CERS6: variants seen among roughly 807,000 people sequenced by gnomAD.
CERS6 encodes ceramide synthase 6.
A neutral mutation model predicts 56.8 loss-of-function variants in CERS6; 26 were observed. That is an observed-to-expected ratio of 0.46 (90% CI 0.34 to 0.63). CERS6 has a LOEUF of 0.63. Among genes scored for constraint, CERS6 ranks in the 30% least tolerant of loss-of-function variants. The pLI, the probability that CERS6 is intolerant of heterozygous loss-of-function variation, is 0.01. For missense variants in CERS6, 415 were observed against 467.5 expected (o/e 0.89, Z 1.04); for synonymous variants, 164 against 173.3 (o/e 0.95, Z 0.42).
intron 4 of CERS6, among the ~76,000 whole-genome samples, chr2:168,650,043 A>C (rs1487667476): frequency 6.6e-6 from 1 of 152,184 alleles, no homozygotes; most frequent in East Asian, 1.9e-4. Flanking sequence ...AAATAGGGGA[A>C]AAAAGAAATA....
intron 3 of CERS6, among the ~76,000 whole-genome samples, chr2:168,623,893 A>G (rs1007144476): frequency 5.3e-5 from 8 of 152,210 alleles, no homozygotes; most frequent in African/African-American, 1.9e-4. Flanking sequence ...GTTTTCTTTC[A>G]CAAAGTTACT....
At chr2:168,600,054 C>T (rs1038576042) in intron 3 of CERS6, among the ~76,000 whole-genome samples, 14 of 152,070 alleles carry the variant, frequency 9.2e-5, no homozygotes, top group African/African-American at 2.7e-4. Flanking sequence ...GTAACTTGCA[C>T]GCTGAAGGCT....
intron 9 of CERS6, chr2:168,766,190 G>A (rs772909694): frequency 9.4e-5 from 72 of 764,648 alleles, no homozygotes; most frequent in Non-Finnish European, 1.5e-4. Flanking sequence ...GTTAAAAGTG[G>A]ACTTGAGGTT....
At chr2:168,704,595 C>G (rs980890219) in intron 6 of CERS6, among the ~76,000 whole-genome samples, 2 of 152,126 alleles carry the variant, frequency 1.3e-5, no homozygotes, top group Non-Finnish European at 2.9e-5. Flanking sequence ...CTCACCCTTG[C>G]ACCTTTGTTC....
chr2:168,672,103 T>C (rs1227873592), intron 4 of CERS6, among the ~76,000 whole-genome samples: 2 of 152,244 alleles, frequency 1.3e-5, no homozygotes, highest in Admixed American at 6.5e-5. Flanking sequence ...TCATTGTCTC[T>C]TGCCTGTTTC....
chr2:168,652,599 A>AATG (rs1205058250), intron 4 of CERS6, among the ~76,000 whole-genome samples: 2 of 151,490 alleles, frequency 1.3e-5, no homozygotes, highest in African/African-American at 4.9e-5. Flanking sequence ...AGGAAAAATT[A>AATG]ATGAATTGTT....
At position 168,715,068 on chromosome 2, in the gene CERS6, A is replaced by G; in HGVS notation, c.677A>G (p.Asn226Ser). ...IFLITFSYVN[N>S]MARVGTLVLC... ...TTGATTACCTTTTCATATGTCAACA[A>G]TATGGCCCGAGTAGGAACGCTGGTC... is the stretch of plus-strand genomic sequence containing the variant. The change falls in exon 7 of 10, where the codon AAT becomes AGT. Residue 226 changes from asparagine (N) to serine (S), a missense_variant. Asn to Ser is a conservative substitution (Grantham distance 46). Transcript: ENST00000305747. 3.1e-6 allele frequency: 5 copies of G among 1,612,910 alleles called. No individual in the cohort carries two copies. Among genetic ancestry groups the G allele is most frequent in the Non-Finnish European group, 4.2e-6 (5 of 1,179,360 alleles).
At chr2:168,684,556 A>T (rs966857825) in intron 4 of CERS6, among the ~76,000 whole-genome samples, 1 of 152,236 alleles carries the variant, frequency 6.6e-6, no homozygotes, top group Admixed American at 6.5e-5. Flanking sequence ...TTAATAACAC[A>T]GTTTCTTAAA....
At chr2:168,690,887 A>G (rs1355415901) in intron 4 of CERS6, 147 bp from the exon 5 acceptor site, 4 of 669,418 alleles carry the variant, frequency 6.0e-6, no homozygotes, top group East Asian at 2.7e-5. Context: ...TTAATATCCT[A>G]TGCCTAGCTG....
At chr2:168,533,355 A>G (rs985802984) in intron 1 of CERS6, among the ~76,000 whole-genome samples, 4 of 152,138 alleles carry the variant, frequency 2.6e-5, no homozygotes, top group Admixed American at 2.6e-4. Flanking sequence ...AATAGTTTGG[A>G]ATAGTTTGGA....
At chr2:168,503,587 A>T (rs1382188940) in intron 1 of CERS6, among the ~76,000 whole-genome samples, 1 of 152,188 alleles carries the variant, frequency 6.6e-6, no homozygotes, top group African/African-American at 2.4e-5. Context: ...GCCCTCAAAC[A>T]GGTGGCAGTT....
At chr2:168,460,666 C>G (rs553654475) in intron 1 of CERS6, among the ~76,000 whole-genome samples, 2 of 152,162 alleles carry the variant, frequency 1.3e-5, no homozygotes, top group East Asian at 3.8e-4. Context: ...GCAATTGTTC[C>G]GTTTCCTTAG....
chr2:168,758,666 G>A (rs1684481068), intron 8 of CERS6, among the ~76,000 whole-genome samples: 1 of 152,206 alleles, frequency 6.6e-6, no homozygotes, highest in Non-Finnish European at 1.5e-5. Context: ...TATTTAAGAT[G>A]TACAGGTCTG....
chr2:168,764,685 C>CT (rs34717280), intron 8 of CERS6, among the ~76,000 whole-genome samples: 1 of 152,026 alleles, frequency 6.6e-6, no homozygotes, highest in South Asian at 2.1e-4. Context: ...GAGTTAATCT[C>CT]TTTTTTTGCA....
chr2:168,592,577 T>C (rs1167482188), intron 3 of CERS6, among the ~76,000 whole-genome samples: 1 of 151,914 alleles, frequency 6.6e-6, no homozygotes, highest in Non-Finnish European at 1.5e-5. Flanking sequence ...CCCTGCAGAA[T>C]TAGCAGGAAT....
At chr2:168,616,376 C>G (rs757483022) in intron 3 of CERS6, among the ~76,000 whole-genome samples, 3 of 152,048 alleles carry the variant, frequency 2.0e-5, no homozygotes, top group Non-Finnish European at 2.9e-5. Context: ...TGCAATAGTA[C>G]CTCACATCTC....
At chr2:168,588,805 T>A (rs1445478879) in intron 3 of CERS6, among the ~76,000 whole-genome samples, 2 of 152,210 alleles carry the variant, frequency 1.3e-5, no homozygotes, top group Non-Finnish European at 2.9e-5. Flanking sequence ...AATGGTGGGA[T>A]CTCACTCACT....
intron 1 of CERS6, among the ~76,000 whole-genome samples, chr2:168,520,952 T>A (rs1014903689): frequency 1.3e-5 from 2 of 152,158 alleles, no homozygotes; most frequent in Admixed American, 6.6e-5. Context: ...TTGGAAAGAC[T>A]TCTATACTCT....
intron 5 of CERS6, among the ~76,000 whole-genome samples, chr2:168,691,356 A>G (rs1372162710): frequency 1.3e-5 from 2 of 152,180 alleles, no homozygotes; most frequent in Admixed American, 1.3e-4. Flanking sequence ...CAACTGGTGG[A>G]AATTCCTGCT....
Sources: gnomAD v4.1 joint callset for allele counts (sites outside exome capture counted in the v4.1 genomes callset) on GRCh38, gnomAD v4.1.1 for gene constraint, MANE v1.5 for transcripts, NCBI Gene and HGNC (gene_info 2026-07-23, HGNC 2026-07-21) for gene names.